Variants in PRKN observed in about 807,000 individuals in gnomAD.
PRKN encodes the protein E3 ubiquitin-protein ligase parkin.
Under a neutral mutation model 59.5 loss-of-function variants are expected in PRKN, and 56 were observed. The ratio of observed to expected loss-of-function variants is 0.94; its 90% confidence interval spans 0.76 to 1.18. PRKN has a LOEUF of 1.18. Ranked by LOEUF, PRKN falls within the 50% of genes most tolerant of loss-of-function variation. The pLI, the probability that PRKN is intolerant of heterozygous loss-of-function variation, is 0.00. For missense variants in PRKN, 657 were observed against 596.4 expected, an observed-to-expected ratio of 1.10 and a Z score of -1.06; for synonymous variants, 250 against 222.1, an observed-to-expected ratio of 1.13 and a Z score of -1.12.
At chr6:162,316,166 G>A (rs1583365514) in intron 2 of PRKN, among the ~76,000 whole-genome samples, 1 of 151,682 alleles carries the variant, frequency 6.6e-6, no homozygotes, top group Non-Finnish European at 1.5e-5. Flanking sequence ...GGAAAAATGT[G>A]CGTGACTTAG....
intron 4 of PRKN, among the ~76,000 whole-genome samples, chr6:162,108,863 A>C (rs1164044134): frequency 6.6e-6 from 1 of 152,208 alleles, no homozygotes; most frequent in Non-Finnish European, 1.5e-5. Context: ...GAGACCCACA[A>C]CTGGGGCTTA....
chr6:161,616,224 A>G (rs1782686505), intron 7 of PRKN, among the ~76,000 whole-genome samples: 2 of 152,182 alleles, frequency 1.3e-5, no homozygotes, highest in South Asian at 4.1e-4. Flanking sequence ...TCAGAGTAAA[A>G]GGTATTTCAT....
chr6:161,840,432 C>T (rs1461501598), intron 6 of PRKN, among the ~76,000 whole-genome samples: 1 of 152,224 alleles, frequency 6.6e-6, no homozygotes, highest in Non-Finnish European at 1.5e-5. Flanking sequence ...AGAAAAGCCC[C>T]ATCCATTCCG....
chr6:161,962,610 C>T (rs1365200917), intron 6 of PRKN, among the ~76,000 whole-genome samples: 3 of 150,742 alleles, frequency 2.0e-5, no homozygotes, highest in East Asian at 4.0e-4. Context: ...AATCTCGGCT[C>T]ACTGCAACCT....
chr6:162,662,046 C>T (rs1202927319), intron 1 of PRKN, among the ~76,000 whole-genome samples: 1 of 152,056 alleles, frequency 6.6e-6, no homozygotes, highest in Admixed American at 6.6e-5. Context: ...TCTGTGAGAA[C>T]ATGCAAGCTT....
At chr6:162,212,161 G>A (rs954126339) in intron 3 of PRKN, among the ~76,000 whole-genome samples, 3 of 151,928 alleles carry the variant, frequency 2.0e-5, no homozygotes, top group Non-Finnish European at 2.9e-5. Flanking sequence ...CTCAGGGGCC[G>A]CCTCTCTCCT....
At chr6:161,598,967 G>A (rs1169719662) in intron 7 of PRKN, among the ~76,000 whole-genome samples, 2 of 152,172 alleles carry the variant, frequency 1.3e-5, no homozygotes, top group Non-Finnish European at 2.9e-5. Flanking sequence ...TCTTGTCCTT[G>A]TAAGAAGAAA....
intron 2 of PRKN, among the ~76,000 whole-genome samples, chr6:162,300,654 G>T (rs1781901843): frequency 6.6e-6 from 1 of 151,938 alleles, no homozygotes; most frequent in African/African-American, 2.4e-5. Context: ...ACCTTTATCG[G>T]GCAAGCTCAG....
intron 6 of PRKN, among the ~76,000 whole-genome samples, chr6:161,801,791 G>A (rs1378424216): frequency 2.6e-5 from 4 of 152,150 alleles, no homozygotes; most frequent in East Asian, 1.9e-4. Flanking sequence ...GTGCAACTGC[G>A]TGTGTCCAGG....
At chr6:161,626,655 C>T (rs912832144) in intron 7 of PRKN, among the ~76,000 whole-genome samples, 6 of 152,184 alleles carry the variant, frequency 3.9e-5, no homozygotes, top group African/African-American at 9.7e-5. Context: ...GGGTCAGACC[C>T]GCAGACCCTG....
chr6:161,808,208 C>T (rs1791416659), intron 6 of PRKN, among the ~76,000 whole-genome samples: 1 of 152,130 alleles, frequency 6.6e-6, no homozygotes, highest in Admixed American at 6.5e-5. Context: ...TAATAATCTT[C>T]TAAGACTACT....
intron 1 of PRKN, among the ~76,000 whole-genome samples, chr6:162,556,384 T>TGTGTGG (rs1779595850): frequency 8.6e-6 from 1 of 115,870 alleles, no homozygotes; most frequent in African/African-American, 2.7e-5. Flanking sequence ...TGTGTGTGTG[T>TGTGTGG]GTGTGTGTGT....
rs1047985630 is a variant in PRKN at position 161,391,944 on chromosome 6, TATACACAGATATATAG to T, written c.1084-5083_1084-5068del. Among the ~76,000 whole-genome samples, 34 of 151,998 alleles carry T rather than the reference TATACACAGATATATAG, an allele frequency of 2.2e-4. No homozygotes were observed. The highest frequency in any genetic ancestry group is 4.7e-4 in the Non-Finnish European group (32 of 68,006). ...CAGTAAATCTCTCCATATATCTGTG[TATACACAGATATATAG>T]ATACAATGTGTGCCTGCATGTATAT... On this transcript the variant is annotated intron_variant, in intron 9 of 11. Transcript: ENST00000366898. The surrounding 1 kb of genome is among the most constrained non-coding windows in gnomAD (Gnocchi z 4.9).
At chr6:162,089,660 C>T (rs1447604652) in intron 4 of PRKN, among the ~76,000 whole-genome samples, 2 of 152,070 alleles carry the variant, frequency 1.3e-5, no homozygotes, top group East Asian at 1.9e-4. Context: ...TTGATGAATA[C>T]ATAAACAAAA....
intron 4 of PRKN, among the ~76,000 whole-genome samples, chr6:162,058,414 A>C (rs1359634438): frequency 1.3e-5 from 2 of 152,184 alleles, no homozygotes; most frequent in Non-Finnish European, 2.9e-5. Flanking sequence ...TCCAGGGACA[A>C]GGTGATCTCT....
chr6:161,783,787 A>G (rs1171509311), intron 7 of PRKN: 1 of 427,792 alleles, frequency 2.3e-6, no homozygotes, highest in Non-Finnish European at 4.5e-6. Flanking sequence ...GAAAGGCACA[A>G]TAACTTTCAA....
At chr6:162,410,131 G>A (rs1388497273) in intron 2 of PRKN, among the ~76,000 whole-genome samples, 1 of 152,114 alleles carries the variant, frequency 6.6e-6, no homozygotes, top group Non-Finnish European at 1.5e-5. Context: ...ATCTGTGAAT[G>A]CCTGGTTCCT....
In PRKN at chr6:162,439,680, C is replaced by T. The variant is rs182969913; in HGVS notation, c.171+3630G>A. ...CCCTGAGACAGTGAGACTAACTCCC[C>T]CTCTTCCTCTTCCTCTTTAGCCTAC... is the stretch of plus-strand genomic sequence containing the variant. On this transcript the variant is annotated intron_variant, in intron 2 of 11. Coordinates refer to ENST00000366898, the MANE Select transcript of PRKN (RefSeq NM_004562.3). Among the ~76,000 whole-genome samples the T allele has an allele frequency of 4.5e-3, 599 of 134,456 alleles. 4 individuals carry two copies. The highest frequency in any genetic ancestry group is 4.5e-3 in the Admixed American group (63 of 13,894). The allele number at this position is 134,456 out of a possible 152,430, so 88.2% of individuals were successfully genotyped here.
intron 6 of PRKN, among the ~76,000 whole-genome samples, chr6:161,867,759 T>TTATTTATATATTTATG (rs1274373598): frequency 6.7e-6 from 1 of 150,122 alleles, no homozygotes; most frequent in African/African-American, 2.5e-5. Flanking sequence ...ATTTATTTAT[T>TTATTTATATATTTATG]TATTTATTTA....
Sources: gnomAD v4.1 joint callset for allele counts (sites outside exome capture counted in the v4.1 genomes callset) on GRCh38, gnomAD v4.1.1 for gene constraint, Gnocchi (gnomAD v3.1) non-coding constraint, MANE v1.5 for transcripts, NCBI Gene and HGNC (gene_info 2026-07-23, HGNC 2026-07-21) for gene names.